Variants in MYO5B observed in about 807,000 individuals in gnomAD.
The protein encoded by MYO5B is myosin VB.
Under a neutral mutation model 229.3 loss-of-function variants are expected in MYO5B, and 143 were observed. The observed-to-expected ratio is 0.62, with a 90% CI of 0.54 to 0.72. The LOEUF (loss-of-function observed/expected upper bound fraction) is 0.72, where lower values mean the gene tolerates loss of function less well. Among genes scored for constraint, MYO5B ranks in the 30% least tolerant of loss-of-function variants. The pLI is 0.00. For synonymous variants in MYO5B, 918 were observed against 885.2 expected, an observed-to-expected ratio of 1.04 and a Z score of -0.66; for missense variants, 2,321 against 2,331.0, an observed-to-expected ratio of 1.00 and a Z score of 0.09.
In MYO5B at chr18:49,894,994, C is replaced by T. The variant is rs866858191; in HGVS notation, c.2992G>A (p.Glu998Lys). The change falls in exon 22 of 40, where the codon GAG becomes AAG. Residue 998 changes from glutamate (E) to lysine (K), a missense_variant. Around this residue, in one of 2 missense-constraint regions of MYO5B, gnomAD observed 2,113 missense variants for 2,044.7 expected, o/e 1.03. Transcript: ENST00000285039. Reference protein sequence around the residue: ...LRTELQRAHSERKILEDAHSR... With the variant: ...LRTELQRAHSKRKILEDAHSR... The stretch of plus-strand genomic sequence containing the variant: ...TGGGCGTCCTCCAAGATCTTGCGCT[C>T]CGAGTGGGCCCTCTGCAGCTCTGTG... 3 of 1,613,850 alleles carry T rather than the reference C, an allele frequency of 1.9e-6. No homozygotes were observed. In the South Asian group the frequency reaches 3.3e-5, roughly 18 times the overall value.
At chr18:49,919,055 C>G (rs1000387321) in intron 17 of MYO5B, among the ~76,000 whole-genome samples, 3 of 152,146 alleles carry the variant, frequency 2.0e-5, no homozygotes, top group African/African-American at 7.2e-5. Context: ...TTTCTTTATC[C>G]CTTAAATGAA....
At chr18:50,133,695 T>G (rs2032289912) in intron 1 of MYO5B, among the ~76,000 whole-genome samples, 1 of 152,206 alleles carries the variant, frequency 6.6e-6, no homozygotes. Flanking sequence ...CAGCAGTGGC[T>G]GTCAGACTCT....
chr18:50,195,066 G>T lies in MYO5B; in HGVS notation c.-273C>A. ...GCCGCGCCGCACCACTCCCCTCCCA[G>T]GTGTGGGGAGGAGGCGAGGGCCGGC... is the stretch of plus-strand genomic sequence containing the variant. On this transcript the variant is annotated 5_prime_UTR_variant, in exon 1 of 40. The change creates a new upstream start codon in the 5' untranslated region. Coordinates refer to ENST00000285039, the MANE Select transcript of MYO5B (RefSeq NM_001080467.3). 3.1e-6 allele frequency: 1 copy of T among 318,806 alleles called. No individual in the cohort carries two copies. Among genetic ancestry groups the T allele is most frequent in the Non-Finnish European group, 5.7e-6 (1 of 176,800 alleles). The allele number at this position is 318,806 out of a possible 1,614,324, so 19.7% of individuals were successfully genotyped here.
At chr18:49,937,208 A>G (rs1251936803) in intron 15 of MYO5B, 37 bp downstream of exon 15, 1 of 1,612,902 alleles carries the variant, frequency 6.2e-7, no homozygotes, top group African/African-American at 1.3e-5. Context: ...AGCCCTGCAC[A>G]TGCACCTCAG....
chr18:50,165,181 T>C (rs1274274353), intron 1 of MYO5B, among the ~76,000 whole-genome samples: 1 of 152,176 alleles, frequency 6.6e-6, no homozygotes, highest in Non-Finnish European at 1.5e-5. Context: ...TTAACACTTT[T>C]AAAATAACCT....
Position 49,974,567 on chromosome 18 carries a change from G to A in MYO5B, c.1105C>T (p.His369Tyr). 1 of 1,614,128 alleles carries A rather than the reference G, an allele frequency of 6.2e-7. No homozygotes were observed. The highest frequency in any genetic ancestry group is 1.1e-5 in the South Asian group (1 of 91,076). ...SNFCRLLGVEHSQMEHWLCHR... is the reference protein window; with the variant it reads ...SNFCRLLGVEYSQMEHWLCHR... ...CACAGCCAGTGCTCCATCTGACTGT[G>A]CTCCACCCCTAGCAGTCGGCAGAAG... Residue 369 changes from histidine (H) to tyrosine (Y), a missense_variant, in exon 10 of 40, where the codon CAC (histidine) becomes TAC (tyrosine). This residue lies in a region of MYO5B where 2,113 missense variants were observed against 2,044.7 expected (regional missense o/e 1.03). Coordinates refer to ENST00000285039, the MANE Select transcript of MYO5B (RefSeq NM_001080467.3).
At chr18:49,933,097 T>C (rs1204513902) in intron 16 of MYO5B, among the ~76,000 whole-genome samples, 3 of 152,166 alleles carry the variant, frequency 2.0e-5, no homozygotes, top group Non-Finnish European at 4.4e-5. Context: ...ACCTCCACAA[T>C]TGCCCGCCAT....
Position 49,929,552 on chromosome 18 carries a change from A to G in MYO5B, c.2050T>C (p.Leu684=), listed in dbSNP as rs754999164. 1.4e-5 allele frequency: 22 copies of G among 1,610,248 alleles called. No homozygotes were observed. Among genetic ancestry groups the G allele is most frequent in the Non-Finnish European group, 1.9e-5 (22 of 1,179,478 alleles). Residue 684 remains leucine, a synonymous_variant, in exon 17 of 40, where the codon TTG becomes CTG. Transcript: ENST00000285039. ...GCTGCACTGATTCGAATCGTCTCCA[A>G]CACCCCGCAGGCTCTGAGTTGCTGC... is the stretch of plus-strand genomic sequence containing the variant. ...AVQQLRACGV[L]ETIRISAAGY...
At chr18:49,977,035 C>A (rs2025758892) in intron 9 of MYO5B, among the ~76,000 whole-genome samples, 1 of 152,130 alleles carries the variant, frequency 6.6e-6, no homozygotes, top group South Asian at 2.1e-4. Context: ...CCACGGGCAC[C>A]CTCCCCTGCC....
At chr18:50,193,912 T>G (rs1195563933) in intron 1 of MYO5B, among the ~76,000 whole-genome samples, 1 of 152,204 alleles carries the variant, frequency 6.6e-6, no homozygotes, top group Non-Finnish European at 1.5e-5. Flanking sequence ...CAGCAACTGC[T>G]GCGGAACGCG....
intron 9 of MYO5B, among the ~76,000 whole-genome samples, chr18:49,977,372 T>G (rs1395291536): frequency 6.6e-6 from 1 of 152,168 alleles, no homozygotes; most frequent in African/African-American, 2.4e-5. Context: ...GAGCACATTC[T>G]CATGCTTTAA....
intron 8 of MYO5B, 58 bp from the exon 9 acceptor site, chr18:49,980,611 T>C: frequency 7.9e-7 from 1 of 1,266,666 alleles, no homozygotes; most frequent in South Asian, 1.2e-5. Flanking sequence ...AGAAAGGACA[T>C]TTTACCCCTT....
intron 1 of MYO5B, among the ~76,000 whole-genome samples, chr18:50,156,354 G>A (rs1332894271): frequency 2.6e-5 from 4 of 152,164 alleles, no homozygotes; most frequent in Non-Finnish European, 5.9e-5. Flanking sequence ...CCGTGTTGCG[G>A]GAGGGACCAG....
chr18:50,175,759 C>T (rs191642244), intron 1 of MYO5B, among the ~76,000 whole-genome samples: 96 of 152,358 alleles, frequency 6.3e-4, no homozygotes, highest in Non-Finnish European at 9.7e-4. Flanking sequence ...TTATGGCATC[C>T]TTGCTGGAAA....
chr18:50,078,401 C>G (rs766452057), intron 1 of MYO5B, among the ~76,000 whole-genome samples: 3 of 152,074 alleles, frequency 2.0e-5, no homozygotes, highest in Non-Finnish European at 2.9e-5. Flanking sequence ...ATGCAAGTCC[C>G]CTAATGGCAG....
chr18:49,848,149 G>A (rs1378358056), intron 32 of MYO5B, among the ~76,000 whole-genome samples: 1 of 152,210 alleles, frequency 6.6e-6, no homozygotes, highest in Non-Finnish European at 1.5e-5. Flanking sequence ...ATCTGTCCCT[G>A]GCCAGTCGAA....
At chr18:49,920,797 T>A (rs1024694406) in intron 17 of MYO5B, among the ~76,000 whole-genome samples, 1 of 152,170 alleles carries the variant, frequency 6.6e-6, no homozygotes, top group Non-Finnish European at 1.5e-5. Context: ...GGACTCAGTC[T>A]CAGGCTCTGA....
intron 7 of MYO5B, among the ~76,000 whole-genome samples, 171 bp downstream of exon 7, chr18:49,990,268 C>G (rs1346343747): frequency 6.6e-6 from 1 of 152,158 alleles, no homozygotes; most frequent in Non-Finnish European, 1.5e-5. Flanking sequence ...ACAATTAACC[C>G]TCTTTTACTA....
intron 29 of MYO5B, among the ~76,000 whole-genome samples, chr18:49,859,990 G>A (rs1461063971): frequency 6.6e-6 from 1 of 152,016 alleles, no homozygotes; most frequent in Non-Finnish European, 1.5e-5. Flanking sequence ...TTGGCGGGGG[G>A]CGGCGGGTGT....
Sources: allele counts gnomAD v4.1 joint callset (sites outside exome capture counted in the v4.1 genomes callset), GRCh38; gene constraint gnomAD v4.1.1; regional missense constraint gnomAD v4.1.1; transcripts MANE v1.5; gene names NCBI Gene and HGNC (gene_info 2026-07-23, HGNC 2026-07-21).